Variants in LRP1B observed in about 807,000 individuals in gnomAD.
LRP1B encodes low-density lipoprotein receptor-related protein 1B.
LRP1B carries 217 observed loss-of-function variants against 556.6 expected under a neutral mutation model. That is an observed-to-expected ratio of 0.39 (90% CI 0.35 to 0.44). The LOEUF is 0.44. LRP1B is among the 20% of genes least tolerant of loss of function. The pLI is 1.00. For synonymous variants in LRP1B, 2,047 were observed against 1,865.8 expected, an observed-to-expected ratio of 1.10 and a Z score of -2.50; for missense variants, 5,053 against 5,620.8, an observed-to-expected ratio of 0.90 and a Z score of 3.23.
chr2:141,441,698 A>G (rs1233596511), intron 3 of LRP1B, among the ~76,000 whole-genome samples: 4 of 152,224 alleles, frequency 2.6e-5, no homozygotes, highest in East Asian at 1.9e-4. Context: ...ATAATTACCC[A>G]GGAACACTTC....
At chr2:140,855,493 G>GGAAAAAAAAAAATAAAA (rs570169727) in intron 27 of LRP1B, among the ~76,000 whole-genome samples, 1 of 99,370 alleles carries the variant, frequency 1.0e-5, no homozygotes, top group Non-Finnish European at 2.0e-5. Flanking sequence ...TCTCTACTGG[G>GGAAAAAAAAAAATAAAA]AAAAAAAAAA....
At chr2:141,271,248 A>C (rs1186118359) in intron 3 of LRP1B, among the ~76,000 whole-genome samples, 4 of 151,854 alleles carry the variant, frequency 2.6e-5, no homozygotes, top group East Asian at 1.9e-4. Flanking sequence ...GCTTGAGATA[A>C]ATGTGGGACA....
intron 84 of LRP1B, among the ~76,000 whole-genome samples, chr2:140,278,685 C>T (rs528584546): frequency 6.6e-6 from 1 of 152,008 alleles, no homozygotes; most frequent in Admixed American, 6.6e-5. Flanking sequence ...TTAGAATTTA[C>T]ACTTTAATAA....
chr2:141,018,621 C>T (rs546019072), intron 12 of LRP1B, among the ~76,000 whole-genome samples: 1 of 152,182 alleles, frequency 6.6e-6, no homozygotes, highest in African/African-American at 2.4e-5. Context: ...ACAACAAAGA[C>T]TCTTTAGCTC....
In LRP1B at chr2:140,562,336, C is replaced by A. The variant is rs548754356; in HGVS notation, c.7195-20365G>T. 7.9e-5 allele frequency among the ~76,000 whole-genome samples: 12 copies of A among 151,732 alleles called. No individual in the cohort carries two copies. In the South Asian group the frequency reaches 2.1e-3, roughly 26 times the overall value. Reference sequence around the variant, plus strand: ...TAATGGAAACTGATAAAAACAATTTCTTTTTGTTTACACTAACATGTTTAG... The same window carrying A: ...TAATGGAAACTGATAAAAACAATTTATTTTTGTTTACACTAACATGTTTAG... On this transcript the variant is annotated intron_variant, in intron 43 of 90. Coordinates refer to ENST00000389484, the MANE Select transcript of LRP1B (RefSeq NM_018557.3).
chr2:140,787,094 A>G (rs1235026726), intron 32 of LRP1B, among the ~76,000 whole-genome samples: 7 of 152,230 alleles, frequency 4.6e-5, no homozygotes, highest in Admixed American at 6.5e-5. Flanking sequence ...AGAGCAAACT[A>G]TTTAAACATT....
intron 1 of LRP1B, among the ~76,000 whole-genome samples, chr2:141,878,082 TA>T (rs35025932): frequency 0.16 from 23,970 of 149,812 alleles, 1,971 homozygotes; most frequent in South Asian, 0.19. Flanking sequence ...CTGGTGAAGT[TA>T]AAAAAAAAAT....
intron 29 of LRP1B, among the ~76,000 whole-genome samples, chr2:140,849,700 T>A (rs1692397389): frequency 6.6e-6 from 1 of 152,006 alleles, no homozygotes; most frequent in South Asian, 2.1e-4. Context: ...CCACCACATT[T>A]GGCTAATTTT....
At chr2:140,638,207 A>G (rs1440758661) in intron 41 of LRP1B, among the ~76,000 whole-genome samples, 1 of 152,208 alleles carries the variant, frequency 6.6e-6, no homozygotes, top group Admixed American at 6.5e-5. Context: ...TAGATATGAG[A>G]AAACTCTGAC....
intron 66 of LRP1B, among the ~76,000 whole-genome samples, chr2:140,439,087 T>C (rs986852273): frequency 6.6e-6 from 1 of 152,224 alleles, no homozygotes. Flanking sequence ...CTCTGATTAC[T>C]AAGCAGACAT....
intron 41 of LRP1B, among the ~76,000 whole-genome samples, chr2:140,699,283 G>A (rs1264162886): frequency 6.6e-6 from 1 of 151,898 alleles, no homozygotes; most frequent in East Asian, 1.9e-4. Context: ...TAAAAGCTTT[G>A]CAATACACAG....
chr2:140,491,499 G>C (rs1296457424), intron 57 of LRP1B, among the ~76,000 whole-genome samples: 2 of 152,026 alleles, frequency 1.3e-5, no homozygotes, highest in Non-Finnish European at 2.9e-5. Context: ...GAAGGGCTGT[G>C]AAGTCATATC....
At chr2:140,302,342 T>C (rs1388422508) in intron 83 of LRP1B, among the ~76,000 whole-genome samples, 1 of 152,176 alleles carries the variant, frequency 6.6e-6, no homozygotes, top group Non-Finnish European at 1.5e-5. Context: ...CTCTGGACAG[T>C]TGGTAAGTTC....
chr2:140,474,328 T>G (rs1687882798), intron 60 of LRP1B, among the ~76,000 whole-genome samples: 1 of 151,922 alleles, frequency 6.6e-6, no homozygotes. Context: ...TTTCTCATCC[T>G]TCCCTCCTCC....
chr2:141,307,007 T>C (rs888178490), intron 3 of LRP1B, among the ~76,000 whole-genome samples: 1 of 152,190 alleles, frequency 6.6e-6, no homozygotes, highest in Non-Finnish European at 1.5e-5. Flanking sequence ...TGTTGAGACT[T>C]CTTTTGTGTT....
At chr2:140,966,229 T>G (rs1175246719) in intron 18 of LRP1B, among the ~76,000 whole-genome samples, 1 of 152,216 alleles carries the variant, frequency 6.6e-6, no homozygotes, top group Non-Finnish European at 1.5e-5. Flanking sequence ...GTTTCCTGAC[T>G]TTTTAATGAT....
At chr2:142,010,116 C>CA (rs1478576050) in intron 1 of LRP1B, among the ~76,000 whole-genome samples, 1 of 151,988 alleles carries the variant, frequency 6.6e-6, no homozygotes, top group Non-Finnish European at 1.5e-5. Context: ...TGGCAATGCC[C>CA]AAAGATATCT....
intron 1 of LRP1B, among the ~76,000 whole-genome samples, chr2:142,073,952 T>A (rs1705410658): frequency 6.6e-6 from 1 of 152,000 alleles, no homozygotes; most frequent in African/African-American, 2.4e-5. Context: ...CCTGTACAGC[T>A]TGTGGAAGGA....
chr2:140,936,217 G>T, intron 20 of LRP1B, among the ~76,000 whole-genome samples: 1 of 149,260 alleles, frequency 6.7e-6, no homozygotes, highest in South Asian at 2.1e-4. Context: ...GCATACATTT[G>T]TAATCTCAGC....
Sources: gnomAD v4.1 joint callset for allele counts (sites outside exome capture counted in the v4.1 genomes callset) on GRCh38, gnomAD v4.1.1 for gene constraint, MANE v1.5 for transcripts, NCBI Gene and HGNC (gene_info 2026-07-23, HGNC 2026-07-21) for gene names.